LDLRAD4: variants seen among roughly 807,000 people sequenced by gnomAD.
LDLRAD4 encodes low density lipoprotein receptor class A domain containing 4, also known as low-density lipoprotein receptor class A domain-containing protein 4.
Under a neutral mutation model 17.0 loss-of-function variants are expected in LDLRAD4, and 5 were observed. The ratio of observed to expected loss-of-function variants is 0.29; its 90% confidence interval spans 0.15 to 0.62. The LOEUF (loss-of-function observed/expected upper bound fraction) is 0.62. Among genes scored for constraint, LDLRAD4 ranks in the 20% least tolerant of loss-of-function variants. The probability of loss-of-function intolerance (pLI) is 0.84; values close to 1 mark genes in which losing one functional copy is unlikely to be tolerated. For missense variants in LDLRAD4, 340 were observed against 424.7 expected (o/e 0.80, Z 1.75); for synonymous variants, 168 against 171.8 (o/e 0.98, Z 0.17).
At chr18:13,552,383 C>T (rs1476524776) in intron 3 of LDLRAD4, among the ~76,000 whole-genome samples, 1 of 152,186 alleles carries the variant, frequency 6.6e-6, no homozygotes, top group African/African-American at 2.4e-5. Flanking sequence ...AAGGCACTTA[C>T]GTTTTATGCC....
chr18:13,450,299 G>A (rs2091721869), intron 3 of LDLRAD4, among the ~76,000 whole-genome samples: 1 of 148,244 alleles, frequency 6.7e-6, no homozygotes, highest in South Asian at 2.1e-4. Flanking sequence ...AGGACCTGGG[G>A]CCAGTGCAGT....
At position 13,226,180 on chromosome 18, in the gene LDLRAD4, C is replaced by CTGTTTTTTT. The variant is rs71370946; in HGVS notation, c.-467+7193_-467+7194insGTTTTTTTT. Among the ~76,000 whole-genome samples the CTGTTTTTTT allele has an allele frequency of 3.8e-5, 2 of 52,188 alleles. 1 individual carries two copies. Among genetic ancestry groups the CTGTTTTTTT allele is most frequent in the Non-Finnish European group, 6.5e-5 (2 of 30,748 alleles). The allele number at this position is 52,188 out of a possible 152,430, so 34.2% of individuals were successfully genotyped here. A position where few individuals can be genotyped will look rare whatever the true frequency, so the allele number is the denominator to read the frequency against. Reference sequence around the variant, plus strand: ...GGACTACAGATGCTGCCATGCCTTGCTTTTTTTTTTTTTTTTTTTTTGTAG... The same window carrying CTGTTTTTTT: ...GGACTACAGATGCTGCCATGCCTTGCTGTTTTTTTTTTTTTTTTTTTTTTTTTTTTGTAG... On this transcript the variant is annotated intron_variant, in intron 1 of 5. Coordinates refer to the LDLRAD4 transcript ENST00000399848.
At chr18:13,298,794 A>C (rs1439258115) in intron 1 of LDLRAD4, among the ~76,000 whole-genome samples, 1 of 152,226 alleles carries the variant, frequency 6.6e-6, no homozygotes, top group African/African-American at 2.4e-5. Context: ...GTCTGGTTGA[A>C]GTCCATCCTG....
At chr18:13,242,607 A>AT (rs973935449) in intron 1 of LDLRAD4, among the ~76,000 whole-genome samples, 10 of 151,830 alleles carry the variant, frequency 6.6e-5, no homozygotes, top group Non-Finnish European at 1.5e-4. Flanking sequence ...CAAATGTGGT[A>AT]TTTTTTTTGC....
At chr18:13,413,355 G>A (rs545932076) in intron 2 of LDLRAD4, among the ~76,000 whole-genome samples, 4 of 152,224 alleles carry the variant, frequency 2.6e-5, no homozygotes, top group African/African-American at 4.8e-5. Flanking sequence ...CGGCTATTTT[G>A]TGTTTAAGCT....
chr18:13,403,163 A>G (rs188027592), intron 2 of LDLRAD4, among the ~76,000 whole-genome samples: 2 of 152,262 alleles, frequency 1.3e-5, no homozygotes, highest in Non-Finnish European at 2.9e-5. Context: ...TAATAGACGG[A>G]TGCATGCCAG....
At chr18:13,272,210 A>C (rs1160435187) in intron 1 of LDLRAD4, among the ~76,000 whole-genome samples, 5 of 152,036 alleles carry the variant, frequency 3.3e-5, no homozygotes, top group Admixed American at 3.3e-4. Context: ...GCTGACTTTG[A>C]GGGATGCTCC....
At chr18:13,413,914 T>A (rs55712315) in intron 2 of LDLRAD4, among the ~76,000 whole-genome samples, 66,564 of 150,918 alleles carry the variant, frequency 0.44, 17,636 homozygotes, top group Non-Finnish European at 0.58. Context: ...AAAAAAAAAA[T>A]TTTTTTTTAA....
chr18:13,594,665 C>CAAAAAAAAAAAAAAAAAAAAAAAAAAA (rs56035558), intron 3 of LDLRAD4, among the ~76,000 whole-genome samples: 2 of 29,596 alleles, frequency 6.8e-5, no homozygotes, highest in African/African-American at 8.7e-5. Flanking sequence ...GATTCCATCT[C>CAAAAAAAAAAAAAAAAAAAAAAAAAAA]AAAAAAAAAA....
At chr18:13,507,442 C>A (rs1403432783) in intron 3 of LDLRAD4, among the ~76,000 whole-genome samples, 1 of 152,212 alleles carries the variant, frequency 6.6e-6, no homozygotes, top group Admixed American at 6.5e-5. Context: ...TCCTGAGATA[C>A]TCCACTTGGA....
At chr18:13,261,621 G>A (rs1436504119) in intron 1 of LDLRAD4, among the ~76,000 whole-genome samples, 1 of 152,204 alleles carries the variant, frequency 6.6e-6, no homozygotes, top group Non-Finnish European at 1.5e-5. Context: ...AAGCGCACTC[G>A]TTCCATCAAC....
chr18:13,347,493 C>T (rs567418460), intron 1 of LDLRAD4, among the ~76,000 whole-genome samples: 97 of 152,290 alleles, frequency 6.4e-4, no homozygotes, highest in African/African-American at 2.2e-3. Flanking sequence ...TTCTCTCTGA[C>T]TGCCCTTAAA....
At chr18:13,390,752 G>C (rs1281038358) in intron 2 of LDLRAD4, among the ~76,000 whole-genome samples, 1 of 152,226 alleles carries the variant, frequency 6.6e-6, no homozygotes, top group Non-Finnish European at 1.5e-5. Context: ...GTTGAATAGT[G>C]TTCACACTGT....
rs546681231 is a variant in LDLRAD4, at chr18:13,375,515, G to C, written c.-382-11826G>C. ...TGGCTCTGTGTGTTGGGCTGGAAAT[G>C]AGGGCCTGCTGGGTCAGGGCAGGGC... On this transcript the variant is annotated intron_variant, in intron 1 of 5. Transcript: ENST00000359446. 9.8e-5 allele frequency among the ~76,000 whole-genome samples: 15 copies of C among 152,350 alleles called. No homozygotes were observed. In the South Asian group the frequency reaches 2.9e-3, roughly 29 times the overall value.
intron 1 of LDLRAD4, among the ~76,000 whole-genome samples, chr18:13,228,425 A>C (rs2041915685): frequency 6.6e-6 from 1 of 152,066 alleles, no homozygotes; most frequent in South Asian, 2.1e-4. Context: ...TTACTGGCTG[A>C]GGTGTGCAGA....
At chr18:13,374,264 C>T (rs2084733119) in intron 1 of LDLRAD4, among the ~76,000 whole-genome samples, 1 of 152,152 alleles carries the variant, frequency 6.6e-6, no homozygotes, top group African/African-American at 2.4e-5. Flanking sequence ...CCGGAGCCCT[C>T]TCAGCCCTGA....
At chr18:13,406,524 G>A (rs552468654) in intron 2 of LDLRAD4, among the ~76,000 whole-genome samples, 50 of 152,118 alleles carry the variant, frequency 3.3e-4, no homozygotes, top group Admixed American at 7.9e-4. Flanking sequence ...CGATGCCGTG[G>A]TGCGCATGAT....
chr18:13,644,988 G>A (rs531667616), intron 5 of LDLRAD4, 139 bp from the exon 7 acceptor site: 1 of 666,040 alleles, frequency 1.5e-6, no homozygotes, highest in African/African-American at 3.5e-5. Context: ...GGATTTTCCT[G>A]TTTTCTTTTT....
intron 1 of LDLRAD4, among the ~76,000 whole-genome samples, chr18:13,297,929 A>G (rs2046361023): frequency 6.6e-6 from 1 of 152,242 alleles, no homozygotes; most frequent in Non-Finnish European, 1.5e-5. Context: ...TTTGGACTGA[A>G]GCTGAAAGTG....
Sources: gnomAD v4.1 joint callset for allele counts (sites outside exome capture counted in the v4.1 genomes callset) on GRCh38, gnomAD v4.1.1 for gene constraint, MANE v1.5 for transcripts, NCBI Gene and HGNC (gene_info 2026-07-23, HGNC 2026-07-21) for gene names.